RNGTT: variants seen among roughly 807,000 people sequenced by gnomAD.
The protein encoded by RNGTT is RNA guanylyltransferase and 5'-phosphatase, also known as mRNA-capping enzyme.
Under a neutral mutation model 79.3 loss-of-function variants are expected in RNGTT, and 33 were observed. That is an observed-to-expected ratio of 0.42 (90% confidence interval 0.32 to 0.56). The LOEUF (loss-of-function observed/expected upper bound fraction) is 0.56. Among genes scored for constraint, RNGTT ranks in the 20% least tolerant of loss-of-function variants. The pLI is 0.17. For synonymous variants in RNGTT, 222 were observed against 235.9 expected (o/e 0.94, Z 0.54); for missense variants, 497 against 739.1 (o/e 0.67, Z 3.80).
chr6:88,933,449 C>A (rs558815230), intron 2 of RNGTT, among the ~76,000 whole-genome samples: 40 of 152,124 alleles, frequency 2.6e-4, no homozygotes, highest in African/African-American at 9.4e-4. Flanking sequence ...TGGTATCTAT[C>A]GTCTATCATT....
At chr6:88,750,606 C>T (rs781172627) in intron 13 of RNGTT, among the ~76,000 whole-genome samples, 4 of 152,130 alleles carry the variant, frequency 2.6e-5, no homozygotes, top group Non-Finnish European at 5.9e-5. Flanking sequence ...AGGGTAAGTC[C>T]TAATTCCTTA....
intron 8 of RNGTT, among the ~76,000 whole-genome samples, chr6:88,860,846 A>T (rs1401623364): frequency 6.6e-6 from 1 of 151,546 alleles, no homozygotes; most frequent in African/African-American, 2.4e-5. Flanking sequence ...AAACATGTTA[A>T]TGGGTTTTTT....
chr6:88,891,199 T>C (rs1414367990), intron 7 of RNGTT, among the ~76,000 whole-genome samples: 1 of 152,184 alleles, frequency 6.6e-6, no homozygotes, highest in Non-Finnish European at 1.5e-5. Flanking sequence ...CTAGTATTTA[T>C]GTAACAGTAA....
chr6:88,734,799 C>T (rs1401813815), intron 13 of RNGTT, among the ~76,000 whole-genome samples: 1 of 152,086 alleles, frequency 6.6e-6, no homozygotes, highest in Non-Finnish European at 1.5e-5. Context: ...ACTTTCACTA[C>T]AGTATTCAAT....
At chr6:88,729,394 A>G (rs530267821) in intron 13 of RNGTT, among the ~76,000 whole-genome samples, 4 of 152,026 alleles carry the variant, frequency 2.6e-5, no homozygotes, top group South Asian at 2.1e-4. Context: ...AAAAGAAAAA[A>G]AAAAAAAAAA....
intron 14 of RNGTT, among the ~76,000 whole-genome samples, chr6:88,657,140 C>G (rs938835609): frequency 2.0e-5 from 3 of 152,070 alleles, no homozygotes; most frequent in African/African-American, 7.2e-5. Context: ...AGTCACAGAC[C>G]CTTTGAAAGA....
At chr6:88,839,381 G>T (rs1191341206) in intron 11 of RNGTT, among the ~76,000 whole-genome samples, 3 of 152,068 alleles carry the variant, frequency 2.0e-5, no homozygotes, top group African/African-American at 7.2e-5. Context: ...GACCAGCCTG[G>T]TCAATACAGC....
chr6:88,743,330 A>G (rs117711900), intron 13 of RNGTT, among the ~76,000 whole-genome samples: 185 of 152,340 alleles, frequency 1.2e-3, no homozygotes, highest in South Asian at 9.7e-3. Context: ...TAAAATATAC[A>G]GAACAAAATG....
chr6:88,675,544 A>G (rs1774837187), intron 14 of RNGTT, among the ~76,000 whole-genome samples: 1 of 152,192 alleles, frequency 6.6e-6, no homozygotes, highest in African/African-American at 2.4e-5. Context: ...AGAAAATTTT[A>G]AAAAAGGAAA....
intron 13 of RNGTT, among the ~76,000 whole-genome samples, chr6:88,764,837 C>T (rs1303625221): frequency 6.6e-6 from 1 of 152,070 alleles, no homozygotes; most frequent in Non-Finnish European, 1.5e-5. Context: ...TAGGAGAGTA[C>T]CTATTTGCTC....
intron 8 of RNGTT, among the ~76,000 whole-genome samples, chr6:88,874,339 C>T (rs557138165): frequency 5.9e-4 from 90 of 152,166 alleles, no homozygotes; most frequent in Admixed American, 1.0e-3. Flanking sequence ...CACTACCTAT[C>T]ACAGAGGCAT....
intron 12 of RNGTT, among the ~76,000 whole-genome samples, chr6:88,793,178 T>C (rs923486997): frequency 2.0e-5 from 3 of 151,846 alleles, no homozygotes; most frequent in African/African-American, 7.3e-5. Context: ...TTTTAAGAAA[T>C]AAAAAACTAG....
intron 1 of RNGTT, among the ~76,000 whole-genome samples, chr6:88,944,866 C>T (rs1784955457): frequency 6.6e-6 from 1 of 152,202 alleles, no homozygotes. Flanking sequence ...TGACTACATT[C>T]CTCAAAGGTA....
intron 12 of RNGTT, among the ~76,000 whole-genome samples, chr6:88,781,041 G>A (rs1779047190): frequency 6.6e-6 from 1 of 152,176 alleles, no homozygotes; most frequent in Non-Finnish European, 1.5e-5. Flanking sequence ...ACAAAGCACA[G>A]GGCAGCTGCC....
intron 14 of RNGTT, among the ~76,000 whole-genome samples, chr6:88,668,901 C>A (rs757401126): frequency 9.2e-5 from 14 of 152,048 alleles, no homozygotes; most frequent in Admixed American, 2.0e-4. Context: ...AAAATAAGTA[C>A]ATTTGTCATG....
Position 88,761,536 on chromosome 6 carries a change from G to A in RNGTT, c.1439+8238C>T, listed in dbSNP as rs147313663. On this transcript the variant is annotated intron_variant, in intron 13 of 15. Coordinates refer to ENST00000369485, the MANE Select transcript of RNGTT (RefSeq NM_003800.5). ...AAAATACCTAAGCCTCCCAATACAA[G>A]TGGGAGGCCAGATCCCCTTAAAGAA... Among the ~76,000 whole-genome samples the A allele has an allele frequency of 2.1e-3, 312 of 152,106 alleles. 2 individuals are homozygous for A. Among genetic ancestry groups the A allele is most frequent in the African/African-American group, 7.4e-3 (305 of 41,494 alleles).
chr6:88,858,233 T>C (rs1051296756), intron 8 of RNGTT, among the ~76,000 whole-genome samples: 3 of 152,150 alleles, frequency 2.0e-5, no homozygotes, highest in African/African-American at 7.2e-5. Flanking sequence ...AATTTTTTAA[T>C]CAATTATTTT....
chr6:88,817,105 C>T (rs922911326), intron 11 of RNGTT, among the ~76,000 whole-genome samples: 4 of 152,128 alleles, frequency 2.6e-5, no homozygotes, highest in Middle Eastern at 3.2e-3. Context: ...ACCTTGTACA[C>T]TCTAGAGCAA....
intron 11 of RNGTT, among the ~76,000 whole-genome samples, chr6:88,839,414 T>TA (rs1781189867): frequency 6.6e-6 from 1 of 151,794 alleles, no homozygotes; most frequent in Admixed American, 6.6e-5. Context: ...CTCAAAAAAT[T>TA]AAAAAATTAG....
Sources: allele counts gnomAD v4.1 joint callset (sites outside exome capture counted in the v4.1 genomes callset), GRCh38; gene constraint gnomAD v4.1.1; transcripts MANE v1.5; gene names NCBI Gene and HGNC (gene_info 2026-07-23, HGNC 2026-07-21).